The following OPCML variants were observed in gnomAD, a reference collection of about 807,000 sequenced individuals.
The protein encoded by OPCML is opioid binding protein/cell adhesion molecule like.
Under a neutral mutation model 37.8 loss-of-function variants are expected in OPCML, and 13 were observed. That is an observed-to-expected ratio of 0.34 (90% CI 0.22 to 0.55). OPCML has a LOEUF of 0.55. Ranked by LOEUF, OPCML falls within the 20% of genes least tolerant of loss-of-function variation. OPCML has a pLI of 0.91. For synonymous variants in OPCML, 176 were observed against 168.8 expected, an observed-to-expected ratio of 1.04 and a Z score of -0.33; for missense variants, 341 against 435.6, an observed-to-expected ratio of 0.78 and a Z score of 1.93.
At chr11:133,402,510 C>T (rs1389089076) in intron 1 of OPCML, among the ~76,000 whole-genome samples, 3 of 152,142 alleles carry the variant, frequency 2.0e-5, no homozygotes, top group Non-Finnish European at 4.4e-5. Flanking sequence ...TATAGATGAT[C>T]AGGATGATCA....
chr11:132,971,733 G>T (rs984674033), intron 1 of OPCML, among the ~76,000 whole-genome samples: 2 of 152,048 alleles, frequency 1.3e-5, no homozygotes, highest in Admixed American at 6.6e-5. Flanking sequence ...AGGCTGTTTG[G>T]TCATTACACT....
At chr11:133,085,440 G>A (rs1948804454) in intron 1 of OPCML, among the ~76,000 whole-genome samples, 1 of 152,146 alleles carries the variant, frequency 6.6e-6, no homozygotes, top group Admixed American at 6.5e-5. Flanking sequence ...GATCAATGGT[G>A]GTGTTTTCTT....
chr11:133,026,217 G>C (rs766784154), intron 1 of OPCML: 129 of 672,088 alleles, frequency 1.9e-4, no homozygotes, highest in Non-Finnish European at 2.3e-4. Flanking sequence ...TTTCGAGCCA[G>C]GTTAGAGAAG....
At chr11:133,527,685 A>G (rs1565684597) in intron 1 of OPCML, among the ~76,000 whole-genome samples, 1 of 152,196 alleles carries the variant, frequency 6.6e-6, no homozygotes, top group African/African-American at 2.4e-5. Context: ...TTTATTTGTT[A>G]TCATCTAACC....
intron 1 of OPCML, among the ~76,000 whole-genome samples, chr11:133,027,989 AT>A (rs1006353767): frequency 1.5e-4 from 23 of 151,836 alleles, no homozygotes; most frequent in African/African-American, 5.6e-4. Context: ...GTGAATAAAT[AT>A]TTTTTAAAAA....
At position 133,432,362 on chromosome 11, in the gene OPCML, A is replaced by T. The variant is rs114976807; in HGVS notation, c.61+99902T>A. The stretch of plus-strand genomic sequence containing the variant: ...TGTATTTTACTGTATCTATTTTTTT[A>T]AAAAAAACACACTTTTTTAGAAATG... On this transcript the variant is annotated intron_variant, in intron 1 of 7. Transcript: ENST00000524381. Among the ~76,000 whole-genome samples, 1,436 of 147,486 alleles carry T rather than the reference A, an allele frequency of 9.7e-3. 22 individuals are homozygous for T. The highest frequency in any genetic ancestry group is 0.028 in the African/African-American group (1,033 of 37,298).
chr11:132,859,832 G>A (rs758536166), intron 2 of OPCML, among the ~76,000 whole-genome samples: 1 of 152,076 alleles, frequency 6.6e-6, no homozygotes, highest in Non-Finnish European at 1.5e-5. Context: ...TTGTAAACAC[G>A]CCTATTCATT....
chr11:132,828,060 C>T (rs1940466616), intron 2 of OPCML, among the ~76,000 whole-genome samples: 2 of 152,062 alleles, frequency 1.3e-5, no homozygotes, highest in South Asian at 4.1e-4. Flanking sequence ...TTATTCAGTG[C>T]TAACAAGAGA....
At chr11:133,210,369 T>C (rs1046598900) in intron 1 of OPCML, among the ~76,000 whole-genome samples, 1 of 152,130 alleles carries the variant, frequency 6.6e-6, no homozygotes, top group African/African-American at 2.4e-5. Flanking sequence ...TCCCCTGCAC[T>C]ATCCCCTCTT....
At chr11:132,900,667 G>T (rs1944026380) in intron 2 of OPCML, among the ~76,000 whole-genome samples, 1 of 152,140 alleles carries the variant, frequency 6.6e-6, no homozygotes, top group Non-Finnish European at 1.5e-5. Flanking sequence ...CCATTGGCTT[G>T]CTTTTCTCCT....
At chr11:132,639,275 C>G (rs965119128) in intron 3 of OPCML, among the ~76,000 whole-genome samples, 3 of 152,154 alleles carry the variant, frequency 2.0e-5, no homozygotes, top group Non-Finnish European at 4.4e-5. Flanking sequence ...GCCTAGAAAA[C>G]AGGTTTACTG....
In OPCML at chr11:132,416,433, C is replaced by T. The variant is rs2095938875; in HGVS notation, c.*3760G>A. On this transcript the variant is annotated 3_prime_UTR_variant, in exon 8 of 8. Coordinates refer to ENST00000524381, the MANE Select transcript of OPCML (RefSeq NM_001012393.5). ...ATAAGCTCTCGTCGGGGTTGCCTGC[C>T]CACTTTGGGGTTCTCTGCTTTTCTC... 6.6e-6 allele frequency: 1 copy of T among 152,204 alleles called. No homozygotes were observed. Among genetic ancestry groups the T allele is most frequent in the Admixed American group, 6.5e-5 (1 of 15,288 alleles). The allele number at this position is 152,204 out of a possible 1,614,324, so 9.4% of individuals were successfully genotyped here.
chr11:133,037,729 C>T (rs1947807704), intron 1 of OPCML, among the ~76,000 whole-genome samples: 1 of 152,222 alleles, frequency 6.6e-6, no homozygotes, highest in Non-Finnish European at 1.5e-5. Context: ...GTCACTGTTA[C>T]CTTGCAATTA....
chr11:133,159,030 GTTCCTGAAATGATTTGGGAAGTCT>G, intron 1 of OPCML, among the ~76,000 whole-genome samples: 1 of 152,296 alleles, frequency 6.6e-6, no homozygotes, highest in South Asian at 2.1e-4. Flanking sequence ...TCACTCTCCA[GTTCCTGAAATGATTTGGGAAGTCT>G]TTCCTGCCTT....
At chr11:132,698,549 T>C (rs1255318719) in intron 2 of OPCML, among the ~76,000 whole-genome samples, 1 of 152,208 alleles carries the variant, frequency 6.6e-6, no homozygotes, top group Non-Finnish European at 1.5e-5. Context: ...TTCTCAGATA[T>C]ATGGTTTGCA....
chr11:132,859,691 G>A (rs946639384), intron 2 of OPCML: 1 of 152,184 alleles, frequency 6.6e-6, no homozygotes, highest in Non-Finnish European at 1.5e-5. Flanking sequence ...AACGTTAAAG[G>A]TTAGCAAAGG....
At chr11:133,265,371 G>T (rs12417446) in intron 1 of OPCML, among the ~76,000 whole-genome samples, 1 of 152,168 alleles carries the variant, frequency 6.6e-6, no homozygotes, top group East Asian at 1.9e-4. Flanking sequence ...ATATATTGGC[G>T]TTGGCTATCC....
intron 1 of OPCML, among the ~76,000 whole-genome samples, chr11:133,525,379 A>G (rs1948469507): frequency 6.6e-6 from 1 of 152,234 alleles, no homozygotes; most frequent in Non-Finnish European, 1.5e-5. Context: ...GTGATTGTCC[A>G]GAGTGACTAA....
At chr11:133,172,138 T>A (rs1950296163) in intron 1 of OPCML, among the ~76,000 whole-genome samples, 1 of 152,088 alleles carries the variant, frequency 6.6e-6, no homozygotes, top group Non-Finnish European at 1.5e-5. Context: ...TCTATTGGAG[T>A]TGACTTTGAA....
Sources: gnomAD v4.1 joint callset for allele counts (sites outside exome capture counted in the v4.1 genomes callset) on GRCh38, gnomAD v4.1.1 for gene constraint, MANE v1.5 for transcripts, NCBI Gene and HGNC (gene_info 2026-07-23, HGNC 2026-07-21) for gene names.